BLTP2: variants seen among roughly 807,000 people sequenced by gnomAD.
The protein encoded by BLTP2 is bridge-like lipid transfer protein family member 2.
chr17:28,642,878 T>C, the BLTP2 span: 3 of 1,585,218 alleles, frequency 1.9e-6, no homozygotes, highest in Non-Finnish European at 2.6e-6. Context: ...CCTTTTCCCA[T>C]CACTATCCAA....
the BLTP2 span, chr17:28,644,244 C>A: frequency 1.3e-6 from 2 of 1,581,616 alleles, no homozygotes; most frequent in Admixed American, 1.8e-5. Context: ...GTTTCCCTCA[C>A]CCCTTGCTGG....
At chr17:28,626,985 G>A in the BLTP2 span, among the ~76,000 whole-genome samples, 2 of 152,162 alleles carry the variant, frequency 1.3e-5, no homozygotes, top group South Asian at 2.1e-4. Context: ...GGAGAAGGGC[G>A]GGCTTAGAGA....
the BLTP2 span, among the ~76,000 whole-genome samples, chr17:28,641,176 TCCATA>T: frequency 2.0e-5 from 3 of 152,160 alleles, no homozygotes; most frequent in Non-Finnish European, 4.4e-5. Flanking sequence ...AAGTCAGCCC[TCCATA>T]TTGGTGAGTT....
the BLTP2 span, chr17:28,615,678 C>G: frequency 6.2e-7 from 1 of 1,614,070 alleles, no homozygotes; most frequent in Non-Finnish European, 8.5e-7. Flanking sequence ...GCAACCAGGG[C>G]TTTGCGGCTG....
chr17:28,645,021 C>A, the BLTP2 span: 1 of 1,600,792 alleles, frequency 6.2e-7, no homozygotes, highest in Non-Finnish European at 8.5e-7. Context: ...GCGCAACTAG[C>A]AGCAAGACCA....
At chr17:28,637,478 T>C in the BLTP2 span, among the ~76,000 whole-genome samples, 1 of 152,208 alleles carries the variant, frequency 6.6e-6, no homozygotes, top group African/African-American at 2.4e-5. Context: ...TTCTTATATG[T>C]CTTGCTTAGT....
the BLTP2 span, among the ~76,000 whole-genome samples, chr17:28,617,743 ACTCAC>A: frequency 6.6e-6 from 1 of 152,156 alleles, no homozygotes; most frequent in Non-Finnish European, 1.5e-5. Flanking sequence ...ATCTGATCAA[ACTCAC>A]CTGTATCTGT....
At chr17:28,616,308 A>G in the BLTP2 span, 1 of 1,610,634 alleles carries the variant, frequency 6.2e-7, no homozygotes, top group Non-Finnish European at 8.5e-7. This position sits in a 1 kb window ranked among gnomAD's most constrained non-coding sequence, Gnocchi z 4.8. Context: ...GAAACCGAAG[A>G]AATCCCAAGC....
chr17:28,630,859 A>AT, the BLTP2 span, among the ~76,000 whole-genome samples: 2 of 151,290 alleles, frequency 1.3e-5, no homozygotes, highest in African/African-American at 2.4e-5. Context: ...GGCAGTACCA[A>AT]TTTTTTTTTC....
the BLTP2 span, chr17:28,623,906 G>A: frequency 4.4e-5 from 71 of 1,614,130 alleles, no homozygotes; most frequent in African/African-American, 8.7e-4. Context: ...CACTGCAGCA[G>A]TTGGGCTTTG....
the BLTP2 span, among the ~76,000 whole-genome samples, chr17:28,641,278 G>A: frequency 6.6e-6 from 1 of 152,132 alleles, no homozygotes; most frequent in Non-Finnish European, 1.5e-5. Context: ...TGTATTTATT[G>A]AAAAAAATCC....
At chr17:28,640,113 G>A in the BLTP2 span, 1 of 1,481,182 alleles carries the variant, frequency 6.8e-7, no homozygotes, top group African/African-American at 1.4e-5. Flanking sequence ...ATTATTTTTT[G>A]GCCAGGCGCA....
chr17:28,633,858 G>A, the BLTP2 span: 40 of 1,607,852 alleles, frequency 2.5e-5, no homozygotes, highest in South Asian at 1.2e-4. Context: ...CATCACAAAC[G>A]TCCCTCAGCC....
chr17:28,644,684 G>A, the BLTP2 span, among the ~76,000 whole-genome samples: 1 of 152,328 alleles, frequency 6.6e-6, no homozygotes, highest in Admixed American at 6.5e-5. Context: ...GGGGTGGGTG[G>A]AGGGGGAAAG....
chr17:28,630,208 G>A, the BLTP2 span, among the ~76,000 whole-genome samples: 4 of 151,988 alleles, frequency 2.6e-5, no homozygotes, highest in Non-Finnish European at 4.4e-5. Context: ...CCAGGCTGGA[G>A]AGCAGTGATG....
the BLTP2 span, chr17:28,616,873 G>C: frequency 1.9e-6 from 3 of 1,609,958 alleles, no homozygotes; most frequent in African/African-American, 1.3e-5. This position sits in a 1 kb window ranked among gnomAD's most constrained non-coding sequence, Gnocchi z 4.8. Context: ...AGGTCCCTAA[G>C]GGACTGCTTA....
the BLTP2 span, chr17:28,616,902 TTAACAGAGA>T: frequency 6.2e-7 from 1 of 1,613,958 alleles, no homozygotes; most frequent in Non-Finnish European, 8.5e-7. The surrounding 1 kb of genome is among the most constrained non-coding windows in gnomAD (Gnocchi z 4.8). Flanking sequence ...AAAATGCTCC[TTAACAGAGA>T]TACCCCCAAC....
chr17:28,637,422 G>A, the BLTP2 span, among the ~76,000 whole-genome samples: 2 of 152,066 alleles, frequency 1.3e-5, no homozygotes, highest in Admixed American at 6.6e-5. Flanking sequence ...AAACACACAA[G>A]GAAATAAAAA....
At chr17:28,637,705 T>A in the BLTP2 span, 1 of 763,784 alleles carries the variant, frequency 1.3e-6, no homozygotes, top group Non-Finnish European at 2.1e-6. Flanking sequence ...AGAGTCTCGC[T>A]CGTTTGCCCA....
Sources: allele counts gnomAD v4.1 joint callset (sites outside exome capture counted in the v4.1 genomes callset), GRCh38; gene constraint gnomAD v4.1.1; non-coding constraint Gnocchi (gnomAD v3.1); transcripts MANE v1.5; gene names NCBI Gene and HGNC (gene_info 2026-07-23, HGNC 2026-07-21).